Variants in MVB12A observed in about 807,000 individuals in gnomAD.
The protein encoded by MVB12A is CIN85/CD2AP family binding protein.
A neutral mutation model predicts 34.3 loss-of-function variants in MVB12A; 30 were observed. The ratio of observed to expected loss-of-function variants is 0.88; its 90% confidence interval spans 0.65 to 1.19. MVB12A has a LOEUF of 1.19. Among genes scored for constraint, MVB12A ranks in the 50% most tolerant of loss-of-function variants. The probability of loss-of-function intolerance (pLI) is 0.00; values close to 1 mark genes in which losing one functional copy is unlikely to be tolerated. For synonymous variants in MVB12A, 158 were observed against 158.9 expected (o/e 0.99, Z 0.04); for missense variants, 355 against 369.2 (o/e 0.96, Z 0.31).
At position 17,425,001 on chromosome 19, in the gene MVB12A, C is replaced by T; in HGVS notation, c.*8C>T. Reference sequence around the variant, plus strand: ...CCCCCCAGCGTCTCATAGTCCCTCACCCTTCCGCGGAAAGAGCCCCCTTAC... The same window carrying T: ...CCCCCCAGCGTCTCATAGTCCCTCATCCTTCCGCGGAAAGAGCCCCCTTAC... On this transcript the variant is annotated 3_prime_UTR_variant, in exon 9 of 9. Transcript: ENST00000317040. 1.9e-6 allele frequency: 3 copies of T among 1,590,158 alleles called. No individual in the cohort carries two copies. The highest frequency in any genetic ancestry group is 2.6e-6 in the Non-Finnish European group (3 of 1,165,556).
At chr19:17,415,500 G>A (rs2074793827), upstream of MVB12A, 1 of 151,470 alleles carries the variant, frequency 6.6e-6, no homozygotes, top group South Asian at 2.1e-4. Context: ...CCGGCACCTG[G>A]TTCCGTTGCT....
intron 2 of MVB12A, among the ~76,000 whole-genome samples, chr19:17,406,997 G>C (rs1025080263): frequency 6.6e-6 from 1 of 152,138 alleles, no homozygotes; most frequent in South Asian, 2.1e-4. Context: ...TATTTGAGCA[G>C]CACTGTTCTG....
At chr19:17,417,077 C>G (rs1196478904), upstream of MVB12A, 1 of 410,280 alleles carries the variant, frequency 2.4e-6, no homozygotes, top group Admixed American at 2.6e-5. Context: ...TTTAGCAGGA[C>G]CCTTTGCACC....
chr19:17,409,358 C>A (rs997755894), intron 2 of MVB12A, among the ~76,000 whole-genome samples: 1 of 149,572 alleles, frequency 6.7e-6, no homozygotes, highest in Non-Finnish European at 1.5e-5. Flanking sequence ...CTCGAACTCC[C>A]GACCTCAAGG....
chr19:17,416,765 T>C (rs1041443738), upstream of MVB12A, among the ~76,000 whole-genome samples: 1 of 149,748 alleles, frequency 6.7e-6, no homozygotes, highest in African/African-American at 2.5e-5. Context: ...AGTGGCATGA[T>C]CTTGGCTCAC....
At chr19:17,405,880 T>C (rs12971834) in intron 1 of MVB12A, 203,450 of 302,430 alleles carry the variant, frequency 0.67, 73,614 homozygotes, top group Non-Finnish European at 0.8. Context: ...GTGCCTCTGC[T>C]GTGTGTTACT....
Position 17,424,068 on chromosome 19 carries a change from G to C in MVB12A, c.702+1G>C, listed in dbSNP as rs1464533659. 1.2e-6 allele frequency: 2 copies of C among 1,613,948 alleles called. No individual in the cohort carries two copies. Among genetic ancestry groups the C allele is most frequent in the African/African-American group, 2.7e-5 (2 of 74,920 alleles). On this transcript the variant is annotated splice_donor_variant, in intron 7 of 8. Transcript: ENST00000317040. LOFTEE classifies it high-confidence loss of function. ...TGAGGGCAAGAGCTGCAGCCCCCTGGTGAGTCGGGGTCTCAGGGAGCCTGG... is the reference window on the plus strand; with the variant it reads ...TGAGGGCAAGAGCTGCAGCCCCCTGCTGAGTCGGGGTCTCAGGGAGCCTGG...
At position 17,424,997 on chromosome 19, in the gene MVB12A, C is replaced by T. The variant is rs367935804; in HGVS notation, c.*4C>T. ...CCTGCCCCCCAGCGTCTCATAGTCC[C>T]TCACCCTTCCGCGGAAAGAGCCCCC... On this transcript the variant is annotated 3_prime_UTR_variant, in exon 9 of 9. Coordinates refer to ENST00000317040, the MANE Select transcript of MVB12A (RefSeq NM_138401.4). 1 of 1,595,164 alleles carries T rather than the reference C, an allele frequency of 6.3e-7. No homozygotes were observed. The highest frequency in any genetic ancestry group is 1.1e-5 in the South Asian group (1 of 89,300).
At chr19:17,424,787 G>A in intron 8 of MVB12A, 110 bp downstream of exon 8, 3 of 1,432,538 alleles carry the variant, frequency 2.1e-6, no homozygotes, top group East Asian at 2.3e-5. Flanking sequence ...CCCCATCCCC[G>A]CTTTGCCCCA....
intron 3 of MVB12A, chr19:17,421,020 T>G (rs1332069181): frequency 1.1e-5 from 5 of 471,578 alleles, no homozygotes; most frequent in Non-Finnish European, 2.1e-5. Context: ...TGTAGCTCAT[T>G]CTCCGTCCTC....
Position 17,420,395 on chromosome 19 carries a change from C to T in MVB12A, c.173C>T (p.Ser58Phe). 1 of 1,613,950 alleles carries T rather than the reference C, an allele frequency of 6.2e-7. No homozygotes were observed. The highest frequency in any genetic ancestry group is 8.5e-7 in the Non-Finnish European group (1 of 1,179,942). Residue 58 changes from serine (S) to phenylalanine (F), a missense_variant, in exon 2 of 9, where the codon TCT becomes TTT. Physicochemically the swap from Ser to Phe is radical, Grantham distance 155 (BLOSUM62 -2). Transcript: ENST00000317040. ...TCTGGCTACTTCCTGTGCCTTAGTT[C>T]TCTGGGCAGCCTAGAGGTAAGAGGT... Reference protein sequence around the residue: ...QKSGYFLCLSSLGSLENPQEN... With the variant: ...QKSGYFLCLSFLGSLENPQEN...
At chr19:17,410,278 C>G (rs2145751330) in intron 2 of MVB12A, among the ~76,000 whole-genome samples, 1 of 151,130 alleles carries the variant, frequency 6.6e-6, no homozygotes, top group East Asian at 2.0e-4. Context: ...TCAAGCAATC[C>G]TCTCACCTCA....
chr19:17,425,057 C>T lies in MVB12A; in HGVS notation c.*64C>T, dbSNP rs1025192611. ...CTCCCCGCCAGCCTGGGGCCACCCC[C>T]CCTCACTGCATCCTGGGGCCACCCC... On this transcript the variant is annotated 3_prime_UTR_variant, in exon 9 of 9. Coordinates refer to ENST00000317040, the MANE Select transcript of MVB12A (RefSeq NM_138401.4). The T allele has an allele frequency of 2.6e-4, 214 of 825,352 alleles. 2 individuals carry two copies. The highest frequency in any genetic ancestry group is 1.4e-3 in the Middle Eastern group (6 of 4,160). The allele number at this position is 825,352 out of a possible 1,614,324, so 51.1% of individuals were successfully genotyped here. A position where few individuals can be genotyped will look rare whatever the true frequency, so the allele number is the denominator to read the frequency against.
upstream of MVB12A, chr19:17,417,834 C>T: frequency 3.1e-6 from 1 of 321,268 alleles, no homozygotes; most frequent in South Asian, 3.0e-5. Flanking sequence ...TCTTCCAACT[C>T]TCAGAATATT....
chr19:17,420,388 C>T lies in MVB12A; in HGVS notation c.166C>T (p.Leu56Phe). The T allele has an allele frequency of 1.2e-6, 2 of 1,614,024 alleles. No individual in the cohort carries two copies. The highest frequency in any genetic ancestry group is 2.7e-5 in the African/African-American group (2 of 75,052). ...FAQKSGYFLC[L>F]SSLGSLENPQ... is the part of the protein sequence containing the mutation. The stretch of plus-strand genomic sequence containing the variant: ...GCAGAAATCTGGCTACTTCCTGTGC[C>T]TTAGTTCTCTGGGCAGCCTAGAGGT... The change falls in exon 2 of 9, where the codon CTT becomes TTT. Residue 56 changes from leucine to phenylalanine, a missense_variant. Physicochemically the swap from Leu to Phe is conservative, Grantham distance 22. Coordinates refer to ENST00000317040, the MANE Select transcript of MVB12A (RefSeq NM_138401.4).
chr19:17,424,693 G>C lies in MVB12A; in HGVS notation c.759+16G>C, dbSNP rs2074859406. On this transcript the variant is annotated intron_variant, in intron 8 of 8. Transcript: ENST00000317040. ...TGAGGAGGAGGTGGGTGCAGGGCTA[G>C]GGAGGAGGTGGGTGCAGGGCTAGGG... is the stretch of plus-strand genomic sequence containing the variant. 1.3e-6 allele frequency: 2 copies of C among 1,599,636 alleles called. No individual in the cohort carries two copies. The highest frequency in any genetic ancestry group is 2.7e-5 in the African/African-American group (2 of 74,676).
At chr19:17,408,431 T>TAA (rs2074742440) in intron 2 of MVB12A, among the ~76,000 whole-genome samples, 1 of 148,654 alleles carries the variant, frequency 6.7e-6, no homozygotes, top group Non-Finnish European at 1.5e-5. Flanking sequence ...TTTATTTTGT[T>TAA]TTAATTAATT....
intron 7 of MVB12A, 71 bp downstream of exon 7, chr19:17,424,138 A>G (rs2074856033): frequency 2.1e-6 from 3 of 1,460,630 alleles, no homozygotes; most frequent in East Asian, 2.3e-5. Context: ...ACATCCCTGT[A>G]TCCAGTGCCC....
chr19:17,411,019 A>G (rs2074765976), intron 2 of MVB12A, among the ~76,000 whole-genome samples: 1 of 149,104 alleles, frequency 6.7e-6, no homozygotes, highest in Admixed American at 6.7e-5. Flanking sequence ...CCTAGGCTGG[A>G]GTGCAGTGGC....
Sources: allele counts gnomAD v4.1 joint callset (sites outside exome capture counted in the v4.1 genomes callset), GRCh38; gene constraint gnomAD v4.1.1; transcripts MANE v1.5; gene names NCBI Gene and HGNC (gene_info 2026-07-23, HGNC 2026-07-21).